The following TBCCD1 variants were observed in gnomAD, a reference collection of about 807,000 sequenced individuals.
TBCCD1 encodes TBCC domain containing 1.
Under a neutral mutation model 53.4 loss-of-function variants are expected in TBCCD1, and 26 were observed. The observed-to-expected ratio is 0.49, with a 90% CI of 0.36 to 0.68. The LOEUF (loss-of-function observed/expected upper bound fraction) is 0.68. Ranked by LOEUF, TBCCD1 falls within the 30% of genes least tolerant of loss-of-function variation. The probability of loss-of-function intolerance (pLI) is 0.00; values close to 1 mark genes in which losing one functional copy is unlikely to be tolerated. For missense variants in TBCCD1, 558 were observed against 669.5 expected (o/e 0.83, Z 1.84); for synonymous variants, 245 against 241.7 (o/e 1.01, Z -0.13).
At chr3:186,550,240 A>AC (rs1290508107) in intron 7 of TBCCD1, among the ~76,000 whole-genome samples, 3 of 151,990 alleles carry the variant, frequency 2.0e-5, no homozygotes, top group African/African-American at 7.2e-5. Context: ...AAAAAAAAAA[A>AC]AAAAAAACTT....
intron 2 of TBCCD1, 145 bp from the exon 3 acceptor site, chr3:186,558,717 T>G (rs1714611096): frequency 2.6e-6 from 2 of 781,302 alleles, no homozygotes; most frequent in Non-Finnish European, 4.0e-6. Context: ...TATGTATGTC[T>G]CTGGTACCCA....
chr3:186,554,249 C>A lies in TBCCD1; in HGVS notation c.1544+5G>T. On this transcript the variant is annotated splice_donor_5th_base_variant and intron_variant, in intron 6 of 7. Coordinates refer to ENST00000338733, the MANE Select transcript of TBCCD1 (RefSeq NM_018138.5). The stretch of plus-strand genomic sequence containing the variant: ...CACAAACTGTTACTTGTAAAAAATA[C>A]TCACTTTGTCAAATGAGCCTCCTTC... The A allele has an allele frequency of 6.2e-7, 1 of 1,609,352 alleles. No individual in the cohort carries two copies. The highest frequency in any genetic ancestry group is 8.5e-7 in the Non-Finnish European group (1 of 1,178,994).
chr3:186,562,425 G>A (rs141854827), intron 2 of TBCCD1, among the ~76,000 whole-genome samples: 3 of 152,192 alleles, frequency 2.0e-5, no homozygotes, highest in Middle Eastern at 3.4e-3. Context: ...AGTAAAACAC[G>A]CCAGACACAG....
At chr3:186,561,083 C>T (rs1342327418) in intron 2 of TBCCD1, among the ~76,000 whole-genome samples, 1 of 152,040 alleles carries the variant, frequency 6.6e-6, no homozygotes, top group Non-Finnish European at 1.5e-5. Context: ...GGATATGACA[C>T]CAAAAGCACA....
At chr3:186,569,982 G>A, upstream of TBCCD1, 2 of 595,170 alleles carry the variant, frequency 3.4e-6, no homozygotes, top group Non-Finnish European at 6.2e-6. Flanking sequence ...CTTACTATAC[G>A]CCCGATGATT....
Position 186,556,674 on chromosome 3 carries a change from T to C in TBCCD1, c.594A>G (p.Ser198=). 6.2e-7 allele frequency: 1 copy of C among 1,614,156 alleles called. No individual in the cohort carries two copies. Among genetic ancestry groups the C allele is most frequent in the Non-Finnish European group, 8.5e-7 (1 of 1,180,030 alleles). The change falls in exon 4 of 8, where the codon TCA becomes TCG. Residue 198 remains serine, a synonymous_variant. Transcript: ENST00000338733. ...CTCGAGACACTAGACTACTATGGGTTGAATGAAATGATGCAGTGAGTTGTT... is the reference window on the plus strand; with the variant it reads ...CTCGAGACACTAGACTACTATGGGTCGAATGAAATGATGCAGTGAGTTGTT... The part of the protein sequence containing the change: ...DPKQLTASFH[S]THSSLVSREA...
Position 186,554,339 on chromosome 3 carries a change from G to C in TBCCD1, c.1459C>G (p.Pro487Ala), listed in dbSNP as rs1237254668. Residue 487 changes from proline (P) to alanine (A), a missense_variant, in exon 6 of 8, where the codon CCA (proline) becomes GCA (alanine). Pro to Ala is a conservative substitution (Grantham distance 27). Coordinates refer to ENST00000338733, the MANE Select transcript of TBCCD1 (RefSeq NM_018138.5). ...GDTTEIPGGL[P>A]SVYQKALGQR... is the part of the protein sequence containing the mutation. ...CCCAGTGCTTTCTGATATACAGATG[G>C]AAGACCCCCGGGTATCTCTGTTGTG... 1 of 1,614,198 alleles carries C rather than the reference G, an allele frequency of 6.2e-7. No individual in the cohort carries two copies. Among genetic ancestry groups the C allele is most frequent in the Non-Finnish European group, 8.5e-7 (1 of 1,180,030 alleles).
intron 4 of TBCCD1, among the ~76,000 whole-genome samples, chr3:186,555,671 G>A (rs1222899414): frequency 2.0e-5 from 3 of 152,094 alleles, no homozygotes; most frequent in African/African-American, 7.2e-5. Context: ...AGATTCTCCT[G>A]CCTCAGCGTC....
intron 2 of TBCCD1, among the ~76,000 whole-genome samples, chr3:186,559,156 C>CT (rs747607146): frequency 2.0e-5 from 3 of 152,064 alleles, no homozygotes; most frequent in Non-Finnish European, 4.4e-5. Flanking sequence ...GTAGTACATA[C>CT]TTTAAGTACA....
intron 3 of TBCCD1, among the ~76,000 whole-genome samples, chr3:186,557,844 T>C (rs1341446988): frequency 1.3e-5 from 2 of 152,202 alleles, no homozygotes; most frequent in South Asian, 2.1e-4. Context: ...AGCTTGTACA[T>C]GGCATTAATA....
At chr3:186,555,610 G>A (rs749198259) in intron 4 of TBCCD1, among the ~76,000 whole-genome samples, 3 of 152,052 alleles carry the variant, frequency 2.0e-5, no homozygotes, top group Non-Finnish European at 4.4e-5. Flanking sequence ...TCAGGCTGGA[G>A]TGCAGTGGTG....
At chr3:186,561,851 G>A (rs1714700055) in intron 2 of TBCCD1, among the ~76,000 whole-genome samples, 1 of 152,086 alleles carries the variant, frequency 6.6e-6, no homozygotes, top group South Asian at 2.1e-4. Flanking sequence ...ACTACCATAC[G>A]ATCTAGCAAT....
intron 2 of TBCCD1, among the ~76,000 whole-genome samples, chr3:186,560,558 AGAAAT>A (rs1461199835): frequency 6.6e-6 from 1 of 152,244 alleles, no homozygotes; most frequent in African/African-American, 2.4e-5. Flanking sequence ...AACTCTCAAA[AGAAAT>A]GAAAGCAAAA....
chr3:186,551,287 T>G lies in TBCCD1; in HGVS notation c.1545-8A>C, dbSNP rs754645830. The G allele has an allele frequency of 1.9e-6, 3 of 1,609,992 alleles. No homozygotes were observed. In the African/African-American group the frequency reaches 4.0e-5, roughly 22 times the overall value. On this transcript the variant is annotated splice_region_variant and splice_polypyrimidine_tract_variant and intron_variant, in intron 6 of 7. Transcript: ENST00000338733. Reference sequence around the variant, plus strand: ...AACTGCTTCCTTTGATCCCTAAAATTGCGATTATGAGTAAAAAGAATATAA... The same window carrying G: ...AACTGCTTCCTTTGATCCCTAAAATGGCGATTATGAGTAAAAAGAATATAA...
chr3:186,562,243 G>A (rs1373693133), intron 2 of TBCCD1, among the ~76,000 whole-genome samples: 2 of 152,192 alleles, frequency 1.3e-5, no homozygotes, highest in African/African-American at 4.8e-5. Context: ...CACTCAGGAG[G>A]CTGAGGTGGA....
chr3:186,565,413 TTGTC>T (rs1417398524), intron 1 of TBCCD1, among the ~76,000 whole-genome samples: 1 of 152,214 alleles, frequency 6.6e-6, no homozygotes, highest in Non-Finnish European at 1.5e-5. Context: ...CCTGGCCTCT[TTGTC>T]TTTTTTCTAC....
intron 2 of TBCCD1, among the ~76,000 whole-genome samples, chr3:186,560,455 C>T (rs1017547123): frequency 1.3e-5 from 2 of 152,164 alleles, no homozygotes; most frequent in African/African-American, 4.8e-5. Flanking sequence ...GATGGCATTT[C>T]CCATCTTCCT....
At chr3:186,550,543 G>A (rs1016356320) in intron 7 of TBCCD1, among the ~76,000 whole-genome samples, 13 of 150,454 alleles carry the variant, frequency 8.6e-5, no homozygotes, top group East Asian at 2.0e-4. Flanking sequence ...CTGAGATGGC[G>A]CCACTGCACT....
At chr3:186,563,516 A>G (rs1181470946) in intron 2 of TBCCD1, among the ~76,000 whole-genome samples, 1 of 152,222 alleles carries the variant, frequency 6.6e-6, no homozygotes, top group African/African-American at 2.4e-5. Context: ...TGACTGTAAC[A>G]TATCAGTTGT....
Sources: gnomAD v4.1 joint callset for allele counts (sites outside exome capture counted in the v4.1 genomes callset) on GRCh38, gnomAD v4.1.1 for gene constraint, MANE v1.5 for transcripts, NCBI Gene and HGNC (gene_info 2026-07-23, HGNC 2026-07-21) for gene names.